The following EML4 variants were observed in gnomAD, a reference collection of about 807,000 sequenced individuals.
EML4 encodes the protein echinoderm microtubule-associated protein-like 4.
In EML4, 72 loss-of-function variants were observed where a neutral mutation model predicts 129.0. The ratio of observed to expected loss-of-function variants is 0.56; its 90% CI spans 0.46 to 0.68. The LOEUF (loss-of-function observed/expected upper bound fraction) is 0.68, where lower values mean the gene tolerates loss of function less well. Ranked by LOEUF, EML4 falls within the 30% of genes least tolerant of loss-of-function variation. EML4 has a pLI of 0.00. For synonymous variants in EML4, 532 were observed against 405.0 expected (o/e 1.31, Z -3.77); for missense variants, 1,363 against 1,190.6 (o/e 1.14, Z -2.13).
At chr2:42,284,611 T>A in intron 8 of EML4, 23 bp from the exon 9 acceptor site, 1 of 1,576,622 alleles carries the variant, frequency 6.3e-7, no homozygotes, top group Non-Finnish European at 8.7e-7. Context: ...GTGTTTAAAA[T>A]CATTCTTAAT....
chr2:42,248,788 A>T (rs1675578416), intron 2 of EML4, among the ~76,000 whole-genome samples: 1 of 152,160 alleles, frequency 6.6e-6, no homozygotes, highest in Admixed American at 6.6e-5. Flanking sequence ...GTTACCTGGA[A>T]CACAGGCAGT....
chr2:42,321,202 TG>T (rs1669502581), intron 19 of EML4, among the ~76,000 whole-genome samples: 1 of 151,744 alleles, frequency 6.6e-6, no homozygotes, highest in South Asian at 2.1e-4. Context: ...GCTAACACGG[TG>T]AAACCCCATC....
intron 1 of EML4, among the ~76,000 whole-genome samples, chr2:42,227,441 C>T (rs988946897): frequency 2.6e-5 from 4 of 151,398 alleles, no homozygotes; most frequent in Non-Finnish European, 4.4e-5. Context: ...TACATCCTAC[C>T]TGCTTTCAAA....
intron 1 of EML4, among the ~76,000 whole-genome samples, chr2:42,199,913 A>G (rs1280609574): frequency 1.3e-5 from 2 of 152,168 alleles, no homozygotes; most frequent in Non-Finnish European, 2.9e-5. Flanking sequence ...AAGGATAAGT[A>G]TATGGGGTAT....
chr2:42,295,073 T>G (rs142181601), intron 11 of EML4, 52 bp from the exon 12 acceptor site: 2 of 1,469,372 alleles, frequency 1.4e-6, no homozygotes, highest in East Asian at 4.7e-5. Context: ...AATTGATACT[T>G]GAAGGAGATA....
chr2:42,315,880 CAAA>C (rs200655876), intron 17 of EML4, 79 bp from the exon 18 acceptor site: 45 of 889,698 alleles, frequency 5.1e-5, no homozygotes, highest in Non-Finnish European at 7.5e-5. Flanking sequence ...GACTCCATCT[CAAA>C]AAAAAAAGAA....
At chr2:42,196,657 G>C (rs1413977298) in intron 1 of EML4, among the ~76,000 whole-genome samples, 1 of 152,210 alleles carries the variant, frequency 6.6e-6, no homozygotes, top group Non-Finnish European at 1.5e-5. Context: ...GCTGGAGTGA[G>C]AAAGGGAAAG....
At chr2:42,233,252 A>G (rs940885596) in intron 1 of EML4, among the ~76,000 whole-genome samples, 1 of 151,656 alleles carries the variant, frequency 6.6e-6, no homozygotes, top group Non-Finnish European at 1.5e-5. Flanking sequence ...TAAAGTGCAA[A>G]TGTAAAGCTT....
intron 5 of EML4, among the ~76,000 whole-genome samples, chr2:42,263,981 G>T (rs1040217052): frequency 4.7e-5 from 7 of 150,316 alleles, no homozygotes; most frequent in African/African-American, 1.7e-4. Context: ...CACCTGCCTT[G>T]GCCTGCCAAA....
chr2:42,196,830 T>C (rs1167238000), intron 1 of EML4, among the ~76,000 whole-genome samples: 1 of 152,160 alleles, frequency 6.6e-6, no homozygotes, highest in South Asian at 2.1e-4. Context: ...GAGTTTTCTG[T>C]AATACCTAAT....
rs529208265 is a variant in EML4 at position 42,330,520 on chromosome 2, T to A, written c.*313T>A. 2.8e-4 allele frequency: 135 copies of A among 475,588 alleles called. No individual in the cohort carries two copies. The highest frequency in any genetic ancestry group is 5.4e-5 in the Non-Finnish European group (14 of 258,498). The allele number at this position is 475,588 out of a possible 1,614,324, so 29.5% of individuals were successfully genotyped here. A position where few individuals can be genotyped will look rare whatever the true frequency, so the allele number is the denominator to read the frequency against. The stretch of plus-strand genomic sequence containing the variant: ...AAACAAAAACAGCAGTTGCATTGAT[T>A]TTGAAAACAAACCCCCTTGTTATCT... On this transcript the variant is annotated 3_prime_UTR_variant, in exon 23 of 23. Transcript: ENST00000318522.
At chr2:42,224,809 A>T (rs1396044384) in intron 1 of EML4, among the ~76,000 whole-genome samples, 1 of 152,112 alleles carries the variant, frequency 6.6e-6, no homozygotes, top group African/African-American at 2.4e-5. Flanking sequence ...ATTTTAATCA[A>T]TTTTAACTTT....
chr2:42,264,306 C>A (rs779197366), intron 5 of EML4, among the ~76,000 whole-genome samples: 1 of 151,742 alleles, frequency 6.6e-6, no homozygotes, highest in Non-Finnish European at 1.5e-5. Context: ...TTTGTAAAGA[C>A]AGGGTTTTGC....
intron 1 of EML4, among the ~76,000 whole-genome samples, chr2:42,219,947 C>T (rs551884365): frequency 6.0e-5 from 9 of 149,374 alleles, no homozygotes; most frequent in South Asian, 2.1e-4. Flanking sequence ...AAAAGGAAAA[C>T]TCTTTTTTGC....
chr2:42,212,209 G>A (rs10177857), intron 1 of EML4, among the ~76,000 whole-genome samples: 97,347 of 152,020 alleles, frequency 0.64, 31,616 homozygotes, highest in East Asian at 0.74. Context: ...GTACTCAGCT[G>A]TTTTGGAGAC....
intron 19 of EML4, among the ~76,000 whole-genome samples, chr2:42,320,247 G>C (rs1348670793): frequency 6.6e-6 from 1 of 151,966 alleles, no homozygotes; most frequent in Non-Finnish European, 1.5e-5. Flanking sequence ...CCAGCACTTT[G>C]GGAGGCCAAG....
chr2:42,271,341 G>T (rs185199779), intron 6 of EML4, among the ~76,000 whole-genome samples: 1 of 152,162 alleles, frequency 6.6e-6, no homozygotes, highest in Admixed American at 6.5e-5. Flanking sequence ...CAGCAGGCCC[G>T]CCAGGCCGCT....
At chr2:42,245,426 G>C in intron 1 of EML4, 79 bp from the exon 2 acceptor site, 1 of 1,339,476 alleles carries the variant, frequency 7.5e-7, no homozygotes, top group East Asian at 2.5e-5. Context: ...TAAGTCTTAT[G>C]TGGGATGGTT....
At chr2:42,324,536 TGAGCCCA>T (rs1180496786) in intron 19 of EML4, among the ~76,000 whole-genome samples, 1 of 152,222 alleles carries the variant, frequency 6.6e-6, no homozygotes, top group African/African-American at 2.4e-5. Flanking sequence ...AAGGATCACC[TGAGCCCA>T]GTGGGGTCAA....
Sources: allele counts gnomAD v4.1 joint callset (sites outside exome capture counted in the v4.1 genomes callset), GRCh38; gene constraint gnomAD v4.1.1; transcripts MANE v1.5; gene names NCBI Gene and HGNC (gene_info 2026-07-23, HGNC 2026-07-21).